HUWE1: variants seen among roughly 807,000 people sequenced by gnomAD.
HUWE1 encodes the protein HECT, UBA and WWE domain containing E3 ubiquitin protein ligase 1.
A neutral mutation model predicts 299.4 loss-of-function variants in HUWE1; 18 were observed. That is an observed-to-expected ratio of 0.06 (90% CI 0.04 to 0.09). HUWE1 has a LOEUF of 0.09. Ranked by LOEUF, HUWE1 falls within the 10% of genes least tolerant of loss-of-function variation. The pLI, the probability that HUWE1 is intolerant of heterozygous loss-of-function variation, is 1.00. For synonymous variants in HUWE1, 1,317 were observed against 1,286.1 expected (o/e 1.02, Z -0.51); for missense variants, 1,832 against 3,462.3 (o/e 0.53, Z 11.82).
At chrX:53,635,938 G>A (rs2067184982) in intron 7 of HUWE1, among the ~76,000 whole-genome samples, 1 of 112,366 alleles carries the variant, frequency 8.9e-6, no homozygotes, top group African/African-American at 3.2e-5. Flanking sequence ...TGACTATCCT[G>A]TGAGAAATAA....
chrX:53,619,358 T>G (rs1304187552), intron 19 of HUWE1, among the ~76,000 whole-genome samples: 1 of 110,839 alleles, frequency 9.0e-6, no homozygotes, highest in Non-Finnish European at 1.9e-5. Context: ...AAAACTAAAA[T>G]TAGTGTTCTA....
At chrX:53,679,244 AT>A (rs1336982500) in intron 3 of HUWE1, among the ~76,000 whole-genome samples, 9 of 111,896 alleles carry the variant, frequency 8.0e-5, no homozygotes, top group Non-Finnish European at 1.5e-4. Flanking sequence ...TTTGCAATAA[AT>A]GTGCTTTCTC....
intron 29 of HUWE1, among the ~76,000 whole-genome samples, chrX:53,598,142 C>T (rs1280457971): frequency 9.0e-6 from 1 of 111,388 alleles, no homozygotes; most frequent in Non-Finnish European, 1.9e-5. Flanking sequence ...GCTTCTGAAC[C>T]GATACCAGAT....
chrX:53,684,048 G>A (rs1603281788), intron 2 of HUWE1: 1 of 286,105 alleles, frequency 3.5e-6, no homozygotes. Flanking sequence ...GACGGGAAAA[G>A]CCTGAGCCCA....
At chrX:53,575,130 G>GGTA (rs2063036861) in intron 46 of HUWE1, 25 bp downstream of exon 46, 1 of 1,135,112 alleles carries the variant, frequency 8.8e-7, no homozygotes, top group African/African-American at 1.8e-5. Context: ...ATAAGAACAT[G>GGTA]GTAGTGAGAA....
At chrX:53,625,565 G>A in intron 17 of HUWE1, 1 of 224,038 alleles carries the variant, frequency 4.5e-6, no homozygotes, top group Non-Finnish European at 8.0e-6. Context: ...CCTCCAACAT[G>A]GCTGTTTTGA....
intron 36 of HUWE1, among the ~76,000 whole-genome samples, 177 bp downstream of exon 36, chrX:53,589,370 T>C (rs1305909550): frequency 8.9e-6 from 1 of 112,212 alleles, no homozygotes; most frequent in Non-Finnish European, 1.9e-5. Context: ...AAGACATTTT[T>C]GTGTGTGCGA....
At chrX:53,540,577 T>C (rs782030502) in intron 74 of HUWE1, among the ~76,000 whole-genome samples, 9 of 112,462 alleles carry the variant, frequency 8.0e-5, no homozygotes, top group African/African-American at 2.6e-4. Flanking sequence ...TCCACCTGCC[T>C]TGGCCTCCCA....
intron 15 of HUWE1, 84 bp from the exon 16 acceptor site, chrX:53,627,963 C>G: frequency 3.3e-6 from 3 of 902,641 alleles, no homozygotes; most frequent in Non-Finnish European, 4.8e-6. Context: ...TACATGTAGT[C>G]TGGGGCCTCA....
At chrX:53,633,043 T>C (rs2066975580) in intron 8 of HUWE1, among the ~76,000 whole-genome samples, 1 of 112,874 alleles carries the variant, frequency 8.9e-6, no homozygotes, top group Non-Finnish European at 1.9e-5. Context: ...CTCATAGGCA[T>C]ATCTTCATAA....
chrX:53,574,661 C>A (rs1407546264), intron 46 of HUWE1, among the ~76,000 whole-genome samples: 1 of 112,041 alleles, frequency 8.9e-6, no homozygotes, highest in Admixed American at 9.4e-5. Context: ...TGATTTTAAA[C>A]AAAATGTCTC....
chrX:53,664,299 G>A (rs944453880), intron 3 of HUWE1, among the ~76,000 whole-genome samples: 1 of 111,833 alleles, frequency 8.9e-6, no homozygotes, highest in Non-Finnish European at 1.9e-5. Context: ...CAATCCTCCT[G>A]GCCTCAGCCT....
At chrX:53,559,256 G>A (rs782400524) in intron 57 of HUWE1, 98 bp downstream of exon 57, 3 of 972,503 alleles carry the variant, frequency 3.1e-6, no homozygotes, top group South Asian at 2.0e-5. Flanking sequence ...CCTATAAAAT[G>A]GGGGTTTTCT....
rs2066849281 is a variant in HUWE1, at chrX:53,631,126, C to T, written c.763-92G>A. 1.2e-5 allele frequency: 7 copies of T among 596,620 alleles called. No individual in the cohort carries two copies. The South Asian group carries it at 1.2e-4, about 10-fold the overall frequency. 49.2% of individuals were successfully genotyped at this position (596,620 alleles called of 1,213,427 possible). A position where few individuals can be genotyped will look rare whatever the true frequency, so the allele number is the denominator to read the frequency against. Reference sequence around the variant, plus strand: ...TAACTCAAAAAACAACACAACTAAACGTTTTCTCCTTTGATATCCGAAGTG... The same window carrying T: ...TAACTCAAAAAACAACACAACTAAATGTTTTCTCCTTTGATATCCGAAGTG... On this transcript the variant is annotated intron_variant, in intron 11 of 83. Coordinates refer to ENST00000262854, the MANE Select transcript of HUWE1 (RefSeq NM_031407.7).
intron 4 of HUWE1, among the ~76,000 whole-genome samples, chrX:53,650,753 G>A (rs2068407648): frequency 9.0e-6 from 1 of 111,284 alleles, no homozygotes; most frequent in Non-Finnish European, 1.9e-5. Flanking sequence ...CCACAGTATG[G>A]GAAATGGGGG....
chrX:53,670,910 C>T (rs1309965260), intron 3 of HUWE1, among the ~76,000 whole-genome samples: 1 of 112,125 alleles, frequency 8.9e-6, no homozygotes, highest in Non-Finnish European at 1.9e-5. Context: ...CAGATTTATA[C>T]TCTTCTGATT....
At chrX:53,580,230 T>C (rs1383140114) in intron 43 of HUWE1, among the ~76,000 whole-genome samples, 3 of 111,829 alleles carry the variant, frequency 2.7e-5, no homozygotes, top group East Asian at 5.6e-4. Context: ...ACCTAATACA[T>C]AGCACTCAAA....
rs1417538654 is a variant in HUWE1, at chrX:53,604,721, C to T, written c.2610G>A (p.Leu870=). 2 of 1,210,430 alleles carry T rather than the reference C, an allele frequency of 1.7e-6. No homozygotes were observed. The highest frequency in any genetic ancestry group is 3.5e-5 in the African/African-American group (2 of 57,266). The change falls in exon 26 of 84, where the codon TTG becomes TTA. Residue 870 remains leucine, a synonymous_variant. Transcript: ENST00000262854. ...RPIESPGGSV[L]LRELACAGNV... is the part of the protein sequence containing the mutation. ...TGCCTGCGCAAGCCAGTTCTCGCAACAACACTGAGCCCCCAGGGGATTCAA... is the reference window on the plus strand; with the variant it reads ...TGCCTGCGCAAGCCAGTTCTCGCAATAACACTGAGCCCCCAGGGGATTCAA...
At chrX:53,632,340 T>C (rs1424580225) in intron 9 of HUWE1, 147 bp downstream of exon 9, 2 of 495,732 alleles carry the variant, frequency 4.0e-6, no homozygotes, top group African/African-American at 2.3e-5. Context: ...TTAACACTCC[T>C]GAGGAGCTGC....
Sources: gnomAD v4.1 joint callset for allele counts (sites outside exome capture counted in the v4.1 genomes callset) on GRCh38, gnomAD v4.1.1 for gene constraint, MANE v1.5 for transcripts, NCBI Gene and HGNC (gene_info 2026-07-23, HGNC 2026-07-21) for gene names.